The following TNS2 variants were observed in gnomAD, a reference collection of about 807,000 sequenced individuals.
TNS2 encodes the protein tensin 2.
In TNS2, 77 loss-of-function variants were observed where a neutral mutation model predicts 155.7. The observed-to-expected ratio is 0.49, with a 90% confidence interval of 0.41 to 0.60. The LOEUF (loss-of-function observed/expected upper bound fraction) is 0.60, where lower values mean the gene tolerates loss of function less well. TNS2 is among the 20% of genes least tolerant of loss of function. TNS2 has a pLI of 0.00. For synonymous variants in TNS2, 726 were observed against 763.9 expected (o/e 0.95, Z 0.82); for missense variants, 1,703 against 1,868.8 (o/e 0.91, Z 1.64).
rs752328278 is a variant in TNS2, at chr12:53,052,490, A to G, written c.220A>G (p.Lys74Glu). The G allele has an allele frequency of 1.2e-6, 2 of 1,613,832 alleles. No individual in the cohort carries two copies. Among genetic ancestry groups the G allele is most frequent in the Middle Eastern group, 1.7e-4 (1 of 6,058 alleles). The stretch of plus-strand genomic sequence containing the variant: ...GGCGACGCACAGAAAATGTGAAGCA[A>G]AGGTGGGTATCTGATTCTACCTGAT... The part of the protein sequence containing the change: ...KVATHRKCEA[K>E]VTSACQALPP... Residue 74 changes from lysine (K) to glutamate (E), a missense_variant and splice_region_variant, in exon 3 of 29, where the codon AAG becomes GAG. Coordinates refer to ENST00000314250, the MANE Select transcript of TNS2 (RefSeq NM_170754.4).
intron 8 of TNS2, 129 bp downstream of exon 8, chr12:53,055,365 G>A: frequency 8.4e-7 from 1 of 1,194,996 alleles, no homozygotes; most frequent in South Asian, 1.4e-5. Context: ...ACTCTCCCAT[G>A]ATATATTACT....
chr12:53,063,298 C>T lies in TNS2; in HGVS notation c.3992+41C>T, dbSNP rs1247266230. ...CCTGTAGAACCCCATGCTTAAGGCCCCTGGGGGCTCATGTTTCTGAGTGTG... is the reference window on the plus strand; with the variant it reads ...CCTGTAGAACCCCATGCTTAAGGCCTCTGGGGGCTCATGTTTCTGAGTGTG... On this transcript the variant is annotated intron_variant, in intron 26 of 28. Coordinates refer to ENST00000314250, the MANE Select transcript of TNS2 (RefSeq NM_170754.4). The surrounding 1 kb of genome is among the most constrained non-coding windows in gnomAD (Gnocchi z 5.6). 8 of 1,613,846 alleles carry T rather than the reference C, an allele frequency of 5.0e-6. No homozygotes were observed. In the Admixed American group the frequency reaches 1.3e-4, roughly 27 times the overall value.
rs1462199189 is a variant in TNS2, at chr12:53,059,729, G to A, written c.2088G>A (p.Lys696=). The A allele has an allele frequency of 9.3e-6, 15 of 1,612,914 alleles. No individual in the cohort carries two copies. Among genetic ancestry groups the A allele is most frequent in the Non-Finnish European group, 1.3e-5 (15 of 1,179,884 alleles). The change falls in exon 18 of 29, where the codon AAG becomes AAA. Residue 696 remains lysine (K), a synonymous_variant. Transcript: ENST00000314250. The surrounding 1 kb of genome is among the most constrained non-coding windows in gnomAD (Gnocchi z 4.7). Reference sequence around the variant, plus strand: ...ACCCATGCCCAGCCTGCGAGGAGAAGCTGGCGCTGCCTACAGCAGCCTTGT... The same window carrying A: ...ACCCATGCCCAGCCTGCGAGGAGAAACTGGCGCTGCCTACAGCAGCCTTGT... The part of the protein sequence containing the change: ...ALYPCPACEE[K]LALPTAALYG...
chr12:53,054,820 C>G (rs1944082795), intron 7 of TNS2, among the ~76,000 whole-genome samples: 2 of 146,062 alleles, frequency 1.4e-5, no homozygotes, highest in South Asian at 4.4e-4. Flanking sequence ...TACAGGCGTG[C>G]GTCACTCACG....
intron 8 of TNS2, 136 bp downstream of exon 8, chr12:53,055,372 T>G: frequency 8.6e-7 from 1 of 1,158,618 alleles, no homozygotes; most frequent in Non-Finnish European, 1.2e-6. Context: ...CATGATATAT[T>G]ACTGGAGACA....
chr12:53,058,604 T>C lies in TNS2; in HGVS notation c.1258T>C (p.Phe420Leu). The C allele has an allele frequency of 6.2e-7, 1 of 1,612,808 alleles. No homozygotes were observed. Among genetic ancestry groups the C allele is most frequent in the Non-Finnish European group, 8.5e-7 (1 of 1,179,634 alleles). Residue 420 changes from phenylalanine (F) to leucine (L), a missense_variant, in exon 16 of 29, where the codon TTT becomes CTT. Phe to Leu is a conservative substitution (Grantham distance 22, BLOSUM62 0). Transcript: ENST00000314250. ...GTTCCCCTTCCAAGCCTCCGTGGAGTTTGTCTTCTCCTCCAGCCCCGAGAA... is the reference window on the plus strand; with the variant it reads ...GTTCCCCTTCCAAGCCTCCGTGGAGCTTGTCTTCTCCTCCAGCCCCGAGAA... ...ERFPFQASVEFVFSSSPEKIK... is the reference protein window; with the variant it reads ...ERFPFQASVELVFSSSPEKIK...
In TNS2 at chr12:53,060,623, G is replaced by A. The variant is rs1944346335; in HGVS notation, c.2769-52G>A. On this transcript the variant is annotated intron_variant, in intron 19 of 28. Transcript: ENST00000314250. The surrounding 1 kb of genome is among the most constrained non-coding windows in gnomAD (Gnocchi z 6.1). ...AGCAGTTGATGAAGGCAGGTGGGGT[G>A]GGAGCAGCCACAATGGGGGCTCTGC... 1 of 1,591,832 alleles carries A rather than the reference G, an allele frequency of 6.3e-7. No homozygotes were observed. The highest frequency in any genetic ancestry group is 8.6e-7 in the Non-Finnish European group (1 of 1,167,080).
At position 53,060,324 on chromosome 12, in the gene TNS2, AG is replaced by A; in HGVS notation, c.2617+71del. On this transcript the variant is annotated intron_variant, in intron 18 of 28. Transcript: ENST00000314250. This position sits in a 1 kb window ranked among gnomAD's most constrained non-coding sequence, Gnocchi z 6.1. ...GTTCTGGAAGATGGTGGGGAAGTCA[AG>A]GGGGAACAGGGTGAGAAACAGCTAA... 6.4e-7 allele frequency: 1 copy of A among 1,562,544 alleles called. No individual in the cohort carries two copies.
chr12:53,053,605 TC>T (rs1944022351), intron 4 of TNS2, 156 bp downstream of exon 4: 1 of 1,352,694 alleles, frequency 7.4e-7, no homozygotes, highest in Non-Finnish European at 1.0e-6. Flanking sequence ...GTCTGAGTCC[TC>T]TGCTGATCTT....
In TNS2 at chr12:53,059,051, C is replaced by G; in HGVS notation, c.1410C>G (p.Ser470=). The stretch of plus-strand genomic sequence containing the variant: ...CTGATCCTCTTCCCCACTCAGGCTC[C>G]TTGACCCACACCCGGGGTCCCCTGG... The part of the protein sequence containing the change: ...NQHHEDSVDG[S]LTHTRGPLDG... Residue 470 remains serine, a synonymous_variant, in exon 18 of 29, where the codon TCC becomes TCG. Coordinates refer to ENST00000314250, the MANE Select transcript of TNS2 (RefSeq NM_170754.4). This position sits in a 1 kb window ranked among gnomAD's most constrained non-coding sequence, Gnocchi z 4.7. 6.5e-7 allele frequency: 1 copy of G among 1,538,720 alleles called. No homozygotes were observed. The highest frequency in any genetic ancestry group is 2.0e-5 in the Admixed American group (1 of 49,604).
intron 1 of TNS2, among the ~76,000 whole-genome samples, chr12:53,051,083 C>G (rs561265085): frequency 6.6e-6 from 1 of 152,166 alleles, no homozygotes; most frequent in Admixed American, 6.5e-5. Flanking sequence ...ATCCCAGGCT[C>G]CTGCCTCACT....
At chr12:53,053,526 G>A in intron 4 of TNS2, 77 bp downstream of exon 4, 1 of 1,579,002 alleles carries the variant, frequency 6.3e-7, no homozygotes, top group Non-Finnish European at 8.7e-7. Flanking sequence ...GCTCCAGAGA[G>A]GGCCCCCAGG....
Position 53,061,753 on chromosome 12 carries a change from A to G in TNS2, c.3449-62A>G, listed in dbSNP as rs866807722. 266 of 1,564,022 alleles carry G rather than the reference A, an allele frequency of 1.7e-4. 1 individual carries two copies. The African/African-American group carries it at 3.1e-3, about 18-fold the overall frequency. ...CTTGGCAGCAGAGGAGGGGGGCTGC[A>G]TGGGGCTCAGTCCACCCCTGTGAAA... On this transcript the variant is annotated intron_variant, in intron 21 of 28. Coordinates refer to ENST00000314250, the MANE Select transcript of TNS2 (RefSeq NM_170754.4).
At position 53,051,885 on chromosome 12, in the gene TNS2, GAGA is replaced by G. The variant is rs1329685840; in HGVS notation, c.109_111del (p.Lys37del). The G allele has an allele frequency of 6.2e-6, 10 of 1,613,508 alleles. No individual in the cohort carries two copies. The highest frequency in any genetic ancestry group is 1.7e-5 in the Admixed American group (1 of 59,964). On this transcript the variant is annotated inframe_deletion, in exon 2 of 29. Transcript: ENST00000314250. ...GAAAGCTGAGCCTCATAGCTTCCGG[GAGA>G]AGGTTTTCCGGAAGAAACCTCCAGT...
intron 1 of TNS2, among the ~76,000 whole-genome samples, chr12:53,051,186 G>A (rs1050379696): frequency 3.9e-5 from 6 of 152,144 alleles, no homozygotes; most frequent in African/African-American, 1.4e-4. Flanking sequence ...GCAGGGGGTC[G>A]GGGGAGAACT....
intron 11 of TNS2, among the ~76,000 whole-genome samples, chr12:53,057,355 A>T (rs1008312705): frequency 6.6e-6 from 1 of 152,196 alleles, no homozygotes; most frequent in Non-Finnish European, 1.5e-5. Flanking sequence ...CTGCCACTAT[A>T]AAGTGAAGCA....
Position 53,064,184 on chromosome 12 carries a change from C to A in TNS2, c.*302C>A, listed in dbSNP as rs1311359335. 3.1e-5 allele frequency: 11 copies of A among 358,116 alleles called. No individual in the cohort carries two copies. In the East Asian group the frequency reaches 6.1e-4, roughly 20 times the overall value. 22.2% of individuals were successfully genotyped at this position (358,116 alleles called of 1,614,324 possible). On this transcript the variant is annotated 3_prime_UTR_variant, in exon 29 of 29. Coordinates refer to ENST00000314250, the MANE Select transcript of TNS2 (RefSeq NM_170754.4). Reference sequence around the variant, plus strand: ...TCAGGCAGCCCCACCTGCAGGAGAACGTCAGCCCTCCAGGGGATCAGCCCC... The same window carrying A: ...TCAGGCAGCCCCACCTGCAGGAGAAAGTCAGCCCTCCAGGGGATCAGCCCC...
intron 1 of TNS2, among the ~76,000 whole-genome samples, chr12:53,051,183 G>A (rs1288421028): frequency 6.6e-6 from 1 of 152,200 alleles, no homozygotes; most frequent in Admixed American, 6.5e-5. Flanking sequence ...GGTGCAGGGG[G>A]TCGGGGGAGA....
rs1008533117 is a variant in TNS2, at chr12:53,061,806, A to C, written c.3449-9A>C. The C allele has an allele frequency of 6.2e-7, 1 of 1,610,108 alleles. No homozygotes were observed. Among genetic ancestry groups the C allele is most frequent in the East Asian group, 2.2e-5 (1 of 44,842 alleles). On this transcript the variant is annotated splice_polypyrimidine_tract_variant and intron_variant, in intron 21 of 28. Transcript: ENST00000314250. ...TCCTCCCCACTGCCCGCTACCCCTC[A>C]CCCTGCAGCCATTGCCCTGCTGAAG...
Sources: gnomAD v4.1 joint callset for allele counts (sites outside exome capture counted in the v4.1 genomes callset) on GRCh38, gnomAD v4.1.1 for gene constraint, Gnocchi (gnomAD v3.1) non-coding constraint, MANE v1.5 for transcripts, NCBI Gene and HGNC (gene_info 2026-07-23, HGNC 2026-07-21) for gene names.